Variants in LINGO2 observed in about 807,000 individuals in gnomAD.
LINGO2 encodes the protein leucine-rich repeat and immunoglobulin-like domain-containing nogo receptor-interacting protein 2.
In LINGO2, 14 loss-of-function variants were observed where a neutral mutation model predicts 30.6. The observed-to-expected ratio is 0.46, with a 90% CI of 0.30 to 0.72. LINGO2 has a LOEUF of 0.72. Ranked by LOEUF, LINGO2 falls within the 30% of genes least tolerant of loss-of-function variation. The pLI is 0.07. For missense variants in LINGO2, 729 were observed against 751.7 expected, an observed-to-expected ratio of 0.97 and a Z score of 0.35; for synonymous variants, 317 against 288.5, an observed-to-expected ratio of 1.10 and a Z score of -1.00.
At chr9:28,907,468 A>G in the LINGO2 span, among the ~76,000 whole-genome samples, 1 of 151,794 alleles carries the variant, frequency 6.6e-6, no homozygotes, top group African/African-American at 2.4e-5. Context: ...ATTTCTAATG[A>G]GAAGTAGAGG....
intron 3 of LINGO2, among the ~76,000 whole-genome samples, chr9:28,338,071 T>C (rs1341187517): frequency 6.6e-6 from 1 of 152,090 alleles, no homozygotes; most frequent in African/African-American, 2.4e-5. Context: ...TGCCAGCCTA[T>C]GAAAGAACCG....
At chr9:28,246,859 C>A (rs953928212) in intron 4 of LINGO2, among the ~76,000 whole-genome samples, 1 of 152,014 alleles carries the variant, frequency 6.6e-6, no homozygotes, top group Non-Finnish European at 1.5e-5. Context: ...ACCCTTTTGA[C>A]AAAGGTCTAA....
chr9:29,038,132 A>G, the LINGO2 span, among the ~76,000 whole-genome samples: 1 of 152,020 alleles, frequency 6.6e-6, no homozygotes, highest in Non-Finnish European at 1.5e-5. Context: ...TCTTGGGTAT[A>G]TAACTAAGGC....
chr9:28,796,088 C>CAA, the LINGO2 span, among the ~76,000 whole-genome samples: 34 of 140,882 alleles, frequency 2.4e-4, no homozygotes, highest in East Asian at 4.1e-4. Flanking sequence ...AAATAGTGCA[C>CAA]AAAAAAAAAA....
the LINGO2 span, among the ~76,000 whole-genome samples, chr9:28,841,047 C>T: frequency 6.6e-6 from 1 of 151,768 alleles, no homozygotes; most frequent in Non-Finnish European, 1.5e-5. Flanking sequence ...CTTGGATATT[C>T]TATAAAAATC....
chr9:28,935,000 A>C, the LINGO2 span, among the ~76,000 whole-genome samples: 1 of 152,142 alleles, frequency 6.6e-6, no homozygotes, highest in Non-Finnish European at 1.5e-5. Context: ...TTGATAATCA[A>C]TTTCTTTAAA....
At chr9:28,861,060 GTAT>G in the LINGO2 span, among the ~76,000 whole-genome samples, 6 of 73,184 alleles carry the variant, frequency 8.2e-5, no homozygotes, top group East Asian at 1.9e-3. Flanking sequence ...TGTATAATAT[GTAT>G]TATTAATATA....
At chr9:28,118,777 G>A (rs969947171) in intron 4 of LINGO2, among the ~76,000 whole-genome samples, 5 of 152,042 alleles carry the variant, frequency 3.3e-5, no homozygotes, top group African/African-American at 1.2e-4. Flanking sequence ...TATCTTACTA[G>A]TATATGAAGT....
chr9:28,179,317 C>CCATATATAGTATTTTATACTATATATAA (rs1454158170), intron 4 of LINGO2, among the ~76,000 whole-genome samples: 2 of 85,704 alleles, frequency 2.3e-5, no homozygotes, highest in Admixed American at 1.2e-4. Context: ...ACTATATATA[C>CCATATATAGTATTTTATACTATATATAA]TATACTATAT....
At chr9:28,865,767 G>T in the LINGO2 span, among the ~76,000 whole-genome samples, 3 of 152,062 alleles carry the variant, frequency 2.0e-5, no homozygotes, top group Non-Finnish European at 2.9e-5. Flanking sequence ...CTGGGTGACA[G>T]GGAGAGGCTC....
intron 4 of LINGO2, among the ~76,000 whole-genome samples, chr9:28,292,054 T>G (rs1250376679): frequency 6.6e-6 from 1 of 152,186 alleles, no homozygotes; most frequent in East Asian, 1.9e-4. Flanking sequence ...AATCTAGAAT[T>G]TCATAACTAG....
chr9:27,971,819 G>A (rs535114393), intron 5 of LINGO2, among the ~76,000 whole-genome samples: 1 of 152,164 alleles, frequency 6.6e-6, no homozygotes, highest in African/African-American at 2.4e-5. Context: ...AGAAACACGG[G>A]ATGTGTAAAG....
intron 4 of LINGO2, among the ~76,000 whole-genome samples, chr9:28,196,587 G>A (rs1316552890): frequency 6.6e-6 from 1 of 151,842 alleles, no homozygotes; most frequent in East Asian, 1.9e-4. Context: ...TTTTTACTAA[G>A]AAACAGAAAG....
At chr9:27,955,706 G>T (rs568326983) in intron 5 of LINGO2, among the ~76,000 whole-genome samples, 241 of 151,974 alleles carry the variant, frequency 1.6e-3, no homozygotes, top group African/African-American at 5.7e-3. Flanking sequence ...GGAAGCTTGG[G>T]CTGTGTCCAA....
intron 2 of LINGO2, among the ~76,000 whole-genome samples, chr9:28,474,374 C>G (rs1173396282): frequency 6.7e-6 from 1 of 150,172 alleles, no homozygotes; most frequent in Non-Finnish European, 1.5e-5. Flanking sequence ...GCTTAACTTA[C>G]CTTCTCAAAG....
chr9:29,120,953 A>T, the LINGO2 span, among the ~76,000 whole-genome samples: 2 of 152,172 alleles, frequency 1.3e-5, no homozygotes, highest in Non-Finnish European at 2.9e-5. Flanking sequence ...AATATAACTA[A>T]ATCTTGACTA....
intron 1 of LINGO2, among the ~76,000 whole-genome samples, chr9:28,635,832 G>C (rs534468920): frequency 6.6e-6 from 1 of 151,696 alleles, no homozygotes; most frequent in Admixed American, 6.6e-5. Flanking sequence ...CTGTTTGTTT[G>C]TTTTATTATA....
At chr9:28,274,402 T>C (rs746868130) in intron 4 of LINGO2, among the ~76,000 whole-genome samples, 4 of 152,210 alleles carry the variant, frequency 2.6e-5, no homozygotes, top group Non-Finnish European at 5.9e-5. Context: ...GACATCAAGA[T>C]ATATTTGATA....
chr9:29,054,792 T>A, the LINGO2 span, among the ~76,000 whole-genome samples: 1 of 152,104 alleles, frequency 6.6e-6, no homozygotes, highest in African/African-American at 2.4e-5. Flanking sequence ...TTAAAATAAA[T>A]CAAAATAGAA....
Sources: allele counts gnomAD v4.1 joint callset (sites outside exome capture counted in the v4.1 genomes callset), GRCh38; gene constraint gnomAD v4.1.1; transcripts MANE v1.5; gene names NCBI Gene and HGNC (gene_info 2026-07-23, HGNC 2026-07-21).